PPM1L: variants seen among roughly 807,000 people sequenced by gnomAD.
PPM1L encodes the protein protein phosphatase 1L.
A neutral mutation model predicts 31.4 loss-of-function variants in PPM1L; 13 were observed. That is an observed-to-expected ratio of 0.41 (90% CI 0.27 to 0.66). The LOEUF is 0.66. PPM1L is among the 30% of genes least tolerant of loss of function. PPM1L has a pLI of 0.29. For synonymous variants in PPM1L, 184 were observed against 175.4 expected, an observed-to-expected ratio of 1.05 and a Z score of -0.39; for missense variants, 326 against 453.7, an observed-to-expected ratio of 0.72 and a Z score of 2.56.
At chr3:160,974,019 C>G (rs1716461292) in intron 2 of PPM1L, among the ~76,000 whole-genome samples, 1 of 73,734 alleles carries the variant, frequency 1.4e-5, no homozygotes, top group East Asian at 4.0e-4. Context: ...TATCCCTCCC[C>G]CCTCCCCCCA....
chr3:161,005,992 A>G (rs750228619), intron 2 of PPM1L, among the ~76,000 whole-genome samples: 17 of 152,164 alleles, frequency 1.1e-4, no homozygotes, highest in Admixed American at 3.3e-4. Flanking sequence ...AAAAAAATAC[A>G]ATTTTAAAAG....
intron 1 of PPM1L, among the ~76,000 whole-genome samples, chr3:160,842,697 T>G (rs1016409661): frequency 3.9e-5 from 6 of 152,194 alleles, no homozygotes; most frequent in Non-Finnish European, 7.3e-5. Context: ...TAAAATGCAT[T>G]AATTCAAATT....
intron 2 of PPM1L, among the ~76,000 whole-genome samples, chr3:161,014,786 G>A (rs1179549945): frequency 6.6e-6 from 1 of 152,084 alleles, no homozygotes; most frequent in African/African-American, 2.4e-5. Flanking sequence ...TTTAAGTGTA[G>A]TAGAAACTAG....
intron 1 of PPM1L, among the ~76,000 whole-genome samples, chr3:160,894,596 C>T (rs1004851192): frequency 2.0e-5 from 3 of 152,134 alleles, no homozygotes; most frequent in Admixed American, 1.3e-4. Context: ...AGATGCCTTG[C>T]CCAAGATCAC....
chr3:160,935,403 T>C (rs1714936866), intron 1 of PPM1L, among the ~76,000 whole-genome samples: 1 of 152,214 alleles, frequency 6.6e-6, no homozygotes, highest in South Asian at 2.1e-4. Flanking sequence ...GGAGAGTGAC[T>C]GGGTGCGTAC....
In PPM1L at chr3:160,807,917, A is replaced by AT. The variant is rs112928435; in HGVS notation, c.399+51218dup. Among the ~76,000 whole-genome samples the AT allele has an allele frequency of 6.7e-3, 1,025 of 152,018 alleles. 10 individuals carry two copies. The highest frequency in any genetic ancestry group is 0.022 in the African/African-American group (924 of 41,464). ...AGTTTTAGAAATTAATGTCTAAAGA[A>AT]TTTTTTTTGTTTATAAAGACTATGA... On this transcript the variant is annotated intron_variant, in intron 1 of 3. Transcript: ENST00000498165.
chr3:160,880,191 AT>A (rs963460767), intron 1 of PPM1L, among the ~76,000 whole-genome samples: 15 of 151,282 alleles, frequency 9.9e-5, no homozygotes, highest in Non-Finnish European at 1.5e-4. Context: ...TGCTTTGACC[AT>A]TTTTTTTTAT....
intron 1 of PPM1L, among the ~76,000 whole-genome samples, chr3:160,948,496 T>A (rs1715479316): frequency 6.6e-6 from 1 of 152,150 alleles, no homozygotes; most frequent in Admixed American, 6.5e-5. Context: ...ATGCCTGGGA[T>A]GGTCAAGAGG....
At chr3:160,996,081 A>G (rs1171268480) in intron 2 of PPM1L, among the ~76,000 whole-genome samples, 1 of 152,226 alleles carries the variant, frequency 6.6e-6, no homozygotes, top group African/African-American at 2.4e-5. Context: ...AATCGAAACC[A>G]CAGTGTAATA....
chr3:160,783,223 C>A lies in PPM1L; in HGVS notation c.399+26516C>A, dbSNP rs544329281. Among the ~76,000 whole-genome samples, 12 of 152,210 alleles carry A rather than the reference C, an allele frequency of 7.9e-5. No homozygotes were observed. In the East Asian group the frequency reaches 2.3e-3, roughly 29 times the overall value. On this transcript the variant is annotated intron_variant, in intron 1 of 3. Coordinates refer to ENST00000498165, the MANE Select transcript of PPM1L (RefSeq NM_139245.4). ...GCACAATTGTTTCATCATGATGATG[C>A]TACATCCTGCAGTTATATTAGCACA... is the stretch of plus-strand genomic sequence containing the variant.
At chr3:160,825,234 AATTTGAGT>A in intron 1 of PPM1L, among the ~76,000 whole-genome samples, 1 of 152,100 alleles carries the variant, frequency 6.6e-6, no homozygotes, top group East Asian at 1.9e-4. Flanking sequence ...TTGCAATTGA[AATTTGAGT>A]ATTTGGGATC....
At chr3:160,792,907 T>G (rs1712143967) in intron 1 of PPM1L, among the ~76,000 whole-genome samples, 1 of 152,230 alleles carries the variant, frequency 6.6e-6, no homozygotes, top group African/African-American at 2.4e-5. Context: ...CACATTGATA[T>G]ATGATTACCA....
intron 2 of PPM1L, among the ~76,000 whole-genome samples, chr3:161,009,847 A>G (rs893910089): frequency 5.3e-5 from 8 of 152,152 alleles, no homozygotes; most frequent in Non-Finnish European, 1.2e-4. Flanking sequence ...GACTTGCTCT[A>G]TACTATTAAT....
intron 2 of PPM1L, among the ~76,000 whole-genome samples, chr3:161,010,417 C>CT (rs1717854829): frequency 6.6e-6 from 1 of 152,152 alleles, no homozygotes; most frequent in Non-Finnish European, 1.5e-5. Flanking sequence ...TTAATCCAGT[C>CT]TATCATTGTT....
chr3:161,036,124 A>G (rs1471781019), intron 2 of PPM1L: 1 of 152,218 alleles, frequency 6.6e-6, no homozygotes, highest in African/African-American at 2.4e-5. Context: ...TATCCAGGTC[A>G]GTGTGGGGGA....
chr3:160,811,063 T>A (rs2108084375), intron 1 of PPM1L, among the ~76,000 whole-genome samples: 1 of 152,342 alleles, frequency 6.6e-6, no homozygotes, highest in East Asian at 1.9e-4. Flanking sequence ...CTAATTACAC[T>A]GAAGAAAGCA....
At chr3:161,015,041 A>C (rs952210160) in intron 2 of PPM1L, among the ~76,000 whole-genome samples, 4 of 151,190 alleles carry the variant, frequency 2.6e-5, no homozygotes, top group African/African-American at 9.7e-5. Flanking sequence ...AGGAGCAGTA[A>C]GTCTTTTAGG....
At chr3:161,043,889 C>G (rs1203885030) in intron 2 of PPM1L, among the ~76,000 whole-genome samples, 1 of 152,118 alleles carries the variant, frequency 6.6e-6, no homozygotes, top group Non-Finnish European at 1.5e-5. Flanking sequence ...ACTCACTTTA[C>G]CCCTTGGGCT....
chr3:160,780,185 G>A (rs1711695978), intron 1 of PPM1L, among the ~76,000 whole-genome samples: 1 of 152,078 alleles, frequency 6.6e-6, no homozygotes, highest in Admixed American at 6.6e-5. Context: ...ACCATGCCTG[G>A]CTAAAGCTAT....
Sources: allele counts gnomAD v4.1 joint callset (sites outside exome capture counted in the v4.1 genomes callset), GRCh38; gene constraint gnomAD v4.1.1; transcripts MANE v1.5; gene names NCBI Gene and HGNC (gene_info 2026-07-23, HGNC 2026-07-21).